RFX3: variants seen among roughly 807,000 people sequenced by gnomAD.
RFX3 encodes regulatory factor X3, also known as transcription factor RFX3.
Under a neutral mutation model 98.6 loss-of-function variants are expected in RFX3, and 14 were observed. The ratio of observed to expected loss-of-function variants is 0.14; its 90% CI spans 0.09 to 0.22. The LOEUF (loss-of-function observed/expected upper bound fraction) is 0.22. Ranked by LOEUF, RFX3 falls within the 10% of genes least tolerant of loss-of-function variation. RFX3 has a pLI of 1.00. For synonymous variants in RFX3, 383 were observed against 328.4 expected (o/e 1.17, Z -1.80); for missense variants, 639 against 926.9 (o/e 0.69, Z 4.03).
At chr9:3,369,176 C>G (rs890458842) in intron 2 of RFX3, among the ~76,000 whole-genome samples, 1 of 152,228 alleles carries the variant, frequency 6.6e-6, no homozygotes, top group Non-Finnish European at 1.5e-5. Context: ...ACAGCAAAAA[C>G]TGGGTAACTT....
chr9:3,330,414 C>T lies in RFX3; in HGVS notation c.319G>A (p.Val107Ile). Residue 107 changes from valine (V) to isoleucine (I), a missense_variant, in exon 4 of 17, where the codon GTC becomes ATC. Transcript: ENST00000617270. ...GTGCCCACCATACTGTGGGATGAGACCACGGTAGTCACCTGGGCGGAACTC... is the reference window on the plus strand; with the variant it reads ...GTGCCCACCATACTGTGGGATGAGATCACGGTAGTCACCTGGGCGGAACTC... ...QGSSAQVTTV[V>I]SSHSMVGTGG... is the part of the protein sequence containing the mutation. 3.1e-6 allele frequency: 5 copies of T among 1,614,100 alleles called. No individual in the cohort carries two copies. Among genetic ancestry groups the T allele is most frequent in the Non-Finnish European group, 4.2e-6 (5 of 1,180,024 alleles).
In RFX3 at chr9:3,223,478, G is replaced by A. The variant is rs1817467940; in HGVS notation, c.*1564C>T. ...CTTACTTTGTTAACTTTCTAAAATTGTAACTAAATAAGAATGGTCTAAAAC... is the reference window on the plus strand; with the variant it reads ...CTTACTTTGTTAACTTTCTAAAATTATAACTAAATAAGAATGGTCTAAAAC... On this transcript the variant is annotated 3_prime_UTR_variant, in exon 17 of 17. Transcript: ENST00000617270. 6.6e-6 allele frequency: 1 copy of A among 152,126 alleles called. No individual in the cohort carries two copies. Among genetic ancestry groups the A allele is most frequent in the Admixed American group, 6.6e-5 (1 of 15,262 alleles). 9.4% of individuals were successfully genotyped at this position (152,126 alleles called of 1,614,324 possible). A position where few individuals can be genotyped will look rare whatever the true frequency, so the allele number is the denominator to read the frequency against.
intron 1 of RFX3, among the ~76,000 whole-genome samples, chr9:3,496,922 T>C (rs141593142): frequency 4.3e-4 from 66 of 152,164 alleles, no homozygotes; most frequent in African/African-American, 1.4e-3. Flanking sequence ...GTTTGCATCT[T>C]TGTGGAAATT....
At chr9:3,455,166 T>C (rs1039307703) in intron 1 of RFX3, among the ~76,000 whole-genome samples, 1 of 152,220 alleles carries the variant, frequency 6.6e-6, no homozygotes, top group Admixed American at 6.5e-5. Flanking sequence ...TTTTCACTGT[T>C]TCTAGGTAAG....
At chr9:3,361,661 G>GAA (rs71324242) in intron 2 of RFX3, among the ~76,000 whole-genome samples, 31 of 87,784 alleles carry the variant, frequency 3.5e-4, no homozygotes, top group East Asian at 1.0e-3. Flanking sequence ...GTTTCTTTAG[G>GAA]AAAAAAAAAA....
chr9:3,384,804 G>A (rs1464219524), intron 2 of RFX3, among the ~76,000 whole-genome samples: 1 of 151,942 alleles, frequency 6.6e-6, no homozygotes, highest in Non-Finnish European at 1.5e-5. Flanking sequence ...CCCTTCCCAC[G>A]CTCTCCCCCA....
chr9:3,302,326 T>C (rs1365119845), intron 4 of RFX3, among the ~76,000 whole-genome samples: 1 of 151,722 alleles, frequency 6.6e-6, no homozygotes, highest in Non-Finnish European at 1.5e-5. Flanking sequence ...CAGAAACAGC[T>C]CTAATCTGTG....
Position 3,395,583 on chromosome 9 carries a change from C to T in RFX3, c.6G>A (p.Gln2=). 2 of 1,614,048 alleles carry T rather than the reference C, an allele frequency of 1.2e-6. No homozygotes were observed. Among genetic ancestry groups the T allele is most frequent in the Non-Finnish European group, 1.7e-6 (2 of 1,179,966 alleles). The change falls in exon 2 of 17, where the codon CAG becomes CAA. Residue 2 remains glutamine, a synonymous_variant. Transcript: ENST00000617270. ...CTGTGTCCGACCCAGTCTCTGATGT[C>T]TGCATGATGGTCTCTGAAATAGATT... The part of the protein sequence containing the change: M[Q]TSETGSDTGS...
intron 1 of RFX3, among the ~76,000 whole-genome samples, chr9:3,421,695 A>T (rs1430603461): frequency 6.6e-6 from 1 of 152,154 alleles, no homozygotes; most frequent in Non-Finnish European, 1.5e-5. Context: ...GAGCTCGTTT[A>T]TTGTCTTTGT....
chr9:3,516,725 A>ACTCTCTCTCT (rs139117644), intron 1 of RFX3, among the ~76,000 whole-genome samples: 7 of 148,258 alleles, frequency 4.7e-5, no homozygotes, highest in African/African-American at 1.7e-4. Flanking sequence ...TCGCTTTCGC[A>ACTCTCTCTCT]CTCTCTCTCT....
intron 1 of RFX3, among the ~76,000 whole-genome samples, chr9:3,405,214 AAAAC>A (rs1034406471): frequency 6.6e-5 from 10 of 152,232 alleles, no homozygotes; most frequent in Admixed American, 2.0e-4. Context: ...AAAAAAAACC[AAAAC>A]AAACAAACAA....
intron 1 of RFX3, among the ~76,000 whole-genome samples, chr9:3,418,831 TAAAAC>T: frequency 6.6e-6 from 1 of 152,340 alleles, no homozygotes; most frequent in Admixed American, 6.5e-5. Flanking sequence ...ATGCCAATGT[TAAAAC>T]AAAGCTGGGG....
At chr9:3,363,384 T>A (rs1836680794) in intron 2 of RFX3, among the ~76,000 whole-genome samples, 12 of 152,228 alleles carry the variant, frequency 7.9e-5, no homozygotes. Context: ...TATTTTCTGC[T>A]GTGAATACAT....
intron 1 of RFX3, among the ~76,000 whole-genome samples, chr9:3,414,375 A>G (rs988490664): frequency 6.6e-6 from 1 of 152,014 alleles, no homozygotes; most frequent in African/African-American, 2.4e-5. Flanking sequence ...AATCAGTGAG[A>G]AATTAAAAAC....
At chr9:3,240,976 G>A (rs757420006) in intron 15 of RFX3, among the ~76,000 whole-genome samples, 15 of 152,172 alleles carry the variant, frequency 9.9e-5, no homozygotes, top group Non-Finnish European at 2.1e-4. Context: ...ATAACTTAGC[G>A]GTGGACTTTG....
chr9:3,453,719 A>G (rs754320240), intron 1 of RFX3: 3 of 154,516 alleles, frequency 1.9e-5, no homozygotes, highest in East Asian at 3.8e-4. Context: ...TCAAAAAAAA[A>G]AAAAAAAAAA....
intron 4 of RFX3, among the ~76,000 whole-genome samples, chr9:3,313,539 G>A (rs1363466709): frequency 6.6e-6 from 1 of 152,220 alleles, no homozygotes; most frequent in African/African-American, 2.4e-5. Context: ...GTTGAGAGAA[G>A]AAGACTTCAG....
At chr9:3,250,552 T>A (rs1821247248) in intron 14 of RFX3, among the ~76,000 whole-genome samples, 1 of 152,092 alleles carries the variant, frequency 6.6e-6, no homozygotes, top group Non-Finnish European at 1.5e-5. Context: ...TGGCAGTATT[T>A]GTCAAAATTT....
At chr9:3,349,950 G>T (rs907537446) in intron 2 of RFX3, among the ~76,000 whole-genome samples, 2 of 151,854 alleles carry the variant, frequency 1.3e-5, no homozygotes, top group African/African-American at 4.8e-5. Context: ...CTGTTTGCAA[G>T]GATAAAAATA....
Sources: allele counts gnomAD v4.1 joint callset (sites outside exome capture counted in the v4.1 genomes callset), GRCh38; gene constraint gnomAD v4.1.1; transcripts MANE v1.5; gene names NCBI Gene and HGNC (gene_info 2026-07-23, HGNC 2026-07-21).